The following SCUBE1 variants were observed in gnomAD, a reference collection of about 807,000 sequenced individuals.
The protein encoded by SCUBE1 is signal peptide, CUB domain and EGF like domain containing 1.
A neutral mutation model predicts 124.4 loss-of-function variants in SCUBE1; 59 were observed. The observed-to-expected ratio is 0.47, with a 90% confidence interval of 0.38 to 0.59. The LOEUF (loss-of-function observed/expected upper bound fraction) is 0.59. Among genes scored for constraint, SCUBE1 ranks in the 20% least tolerant of loss-of-function variants. The probability of loss-of-function intolerance (pLI) is 0.00; values close to 1 mark genes in which losing one functional copy is unlikely to be tolerated. For synonymous variants in SCUBE1, 545 were observed against 550.9 expected (o/e 0.99, Z 0.15); for missense variants, 1,150 against 1,371.2 (o/e 0.84, Z 2.55).
At chr22:43,285,065 G>A (rs1229307512) in intron 4 of SCUBE1, among the ~76,000 whole-genome samples, 1 of 152,192 alleles carries the variant, frequency 6.6e-6, no homozygotes, top group African/African-American at 2.4e-5. Flanking sequence ...AGAACCTCAG[G>A]CTGCCCCACG....
intron 13 of SCUBE1, 42 bp from the exon 14 acceptor site, chr22:43,220,629 C>T: frequency 6.2e-7 from 1 of 1,604,628 alleles, no homozygotes; most frequent in Admixed American, 1.7e-5. Flanking sequence ...CGGCATGGGG[C>T]AGGGAGCAAG....
chr22:43,327,034 T>C (rs1261000794), intron 2 of SCUBE1, among the ~76,000 whole-genome samples: 2 of 152,200 alleles, frequency 1.3e-5, no homozygotes, highest in Non-Finnish European at 2.9e-5. Flanking sequence ...CTGTGCAGCT[T>C]GAGCCTCAGA....
chr22:43,248,471 C>T (rs1301604671), intron 6 of SCUBE1, among the ~76,000 whole-genome samples: 3 of 152,258 alleles, frequency 2.0e-5, no homozygotes, highest in African/African-American at 7.2e-5. Flanking sequence ...CTTCCCCCTA[C>T]AAGCCCCAGC....
At position 43,280,847 on chromosome 22, in the gene SCUBE1, C is replaced by T. The variant is rs866554725; in HGVS notation, c.484+10199G>A. Among the ~76,000 whole-genome samples, 581 of 66,034 alleles carry T rather than the reference C, an allele frequency of 8.8e-3. 13 individuals are homozygous for T. The highest frequency in any genetic ancestry group is 0.028 in the African/African-American group (369 of 13,144). 43.3% of individuals were successfully genotyped at this position (66,034 alleles called of 152,430 possible). Reference sequence around the variant, plus strand: ...TCCTGTCACCTCCCTCTTTGGCCACCCTCCTGTCACCTCCTCCTCAGTCAC... The same window carrying T: ...TCCTGTCACCTCCCTCTTTGGCCACTCTCCTGTCACCTCCTCCTCAGTCAC... On this transcript the variant is annotated intron_variant, in intron 4 of 21. Coordinates refer to ENST00000360835, the MANE Select transcript of SCUBE1 (RefSeq NM_173050.5).
At chr22:43,309,334 T>G (rs1462809873) in intron 3 of SCUBE1, among the ~76,000 whole-genome samples, 1 of 151,972 alleles carries the variant, frequency 6.6e-6, no homozygotes, top group Non-Finnish European at 1.5e-5. Context: ...CATGCAGGAG[T>G]ACACAGAGGC....
At position 43,210,863 on chromosome 22, in the gene SCUBE1, A is replaced by C; in HGVS notation, c.2383+59T>G. On this transcript the variant is annotated intron_variant, in intron 18 of 21. Transcript: ENST00000360835. This position sits in a 1 kb window ranked among gnomAD's most constrained non-coding sequence, Gnocchi z 4.5. ...TGAGATCAGGTCTCCTCCCGCCCCCACAACCTGCCCAGCCCCTCCCGTGTT... is the reference window on the plus strand; with the variant it reads ...TGAGATCAGGTCTCCTCCCGCCCCCCCAACCTGCCCAGCCCCTCCCGTGTT... The C allele has an allele frequency of 7.7e-6, 12 of 1,566,634 alleles. No individual in the cohort carries two copies. The highest frequency in any genetic ancestry group is 9.6e-6 in the Non-Finnish European group (11 of 1,142,740).
intron 4 of SCUBE1, chr22:43,282,153 G>A (rs1419684787): frequency 1.3e-5 from 2 of 152,654 alleles, no homozygotes; most frequent in Non-Finnish European, 2.9e-5. Context: ...TAGGTTGCAA[G>A]TGAATCAAAA....
chr22:43,226,454 G>A (rs995166435), intron 10 of SCUBE1, among the ~76,000 whole-genome samples: 19 of 152,018 alleles, frequency 1.2e-4, no homozygotes, highest in African/African-American at 4.6e-4. Flanking sequence ...CAAGAGAAGC[G>A]CACAGCCTCG....
intron 4 of SCUBE1, among the ~76,000 whole-genome samples, chr22:43,280,215 T>G (rs950889876): frequency 1.3e-5 from 2 of 152,016 alleles, no homozygotes; most frequent in Non-Finnish European, 2.9e-5. Flanking sequence ...CTCCCAGACC[T>G]CCAGCGTTCT....
rs1260147494 is a variant in SCUBE1, at chr22:43,339,120, T to C, written c.204A>G (p.Glu68=). ...KCLCKPGYKG[E]GKQCEDIDEC... is the part of the protein sequence containing the mutation. ...TGGACTCACCTTCACACTGCTTGCC[T>C]TCCCCCTTGTAGCCTGGCTTGCAGA... The change falls in exon 2 of 22, where the codon GAA becomes GAG. Residue 68 remains glutamate, a synonymous_variant. Transcript: ENST00000360835. 6.8e-6 allele frequency: 11 copies of C among 1,613,710 alleles called. No homozygotes were observed. The highest frequency in any genetic ancestry group is 9.3e-6 in the Non-Finnish European group (11 of 1,179,688).
At chr22:43,296,985 G>A (rs1288258576) in intron 3 of SCUBE1, among the ~76,000 whole-genome samples, 1 of 152,244 alleles carries the variant, frequency 6.6e-6, no homozygotes, top group Non-Finnish European at 1.5e-5. Context: ...GCTGGGGGAG[G>A]TCAGAGGTGG....
intron 9 of SCUBE1, among the ~76,000 whole-genome samples, chr22:43,228,544 C>T (rs1346962227): frequency 2.6e-5 from 4 of 152,202 alleles, no homozygotes; most frequent in African/African-American, 4.8e-5. Flanking sequence ...GGTGGGATGG[C>T]GCCCCCTATC....
In SCUBE1 at chr22:43,255,587, A is replaced by G; in HGVS notation, c.727+2632T>C. ...GCAGCCTCATCCTTCTCTAAAACAC[A>G]AGTAAGGGACAAACACGGAGCCAGT... On this transcript the variant is annotated intron_variant, in intron 6 of 21. Coordinates refer to ENST00000360835, the MANE Select transcript of SCUBE1 (RefSeq NM_173050.5). The surrounding 1 kb of genome is among the most constrained non-coding windows in gnomAD (Gnocchi z 4.7). 6.5e-7 allele frequency: 1 copy of G among 1,548,982 alleles called. No individual in the cohort carries two copies. The highest frequency in any genetic ancestry group is 8.7e-7 in the Non-Finnish European group (1 of 1,145,718).
chr22:43,263,864 G>A (rs1215429594), intron 4 of SCUBE1, among the ~76,000 whole-genome samples: 1 of 152,158 alleles, frequency 6.6e-6, no homozygotes, highest in African/African-American at 2.4e-5. Context: ...GTCTAACTAA[G>A]CAACGAGTTA....
chr22:43,247,783 G>C (rs992891664), intron 6 of SCUBE1, among the ~76,000 whole-genome samples: 1 of 152,228 alleles, frequency 6.6e-6, no homozygotes, highest in Admixed American at 6.5e-5. Context: ...GGGCCCGGTC[G>C]GGCCTGTTTT....
chr22:43,275,238 C>T (rs1331379968), intron 4 of SCUBE1, among the ~76,000 whole-genome samples: 2 of 152,234 alleles, frequency 1.3e-5, no homozygotes, highest in East Asian at 1.9e-4. Flanking sequence ...GGCAGACCTG[C>T]AAGCTGACCA....
chr22:43,205,579 C>A (rs996272754), intron 21 of SCUBE1, among the ~76,000 whole-genome samples: 2 of 151,438 alleles, frequency 1.3e-5, no homozygotes, highest in Non-Finnish European at 3.0e-5. Flanking sequence ...ACCCACCACA[C>A]CCCACACCAC....
At chr22:43,231,603 A>G in intron 8 of SCUBE1, 150 bp downstream of exon 8, 1 of 879,176 alleles carries the variant, frequency 1.1e-6, no homozygotes, top group Admixed American at 2.7e-5. Flanking sequence ...ATTGGACTGG[A>G]TGTCCCCTAG....
chr22:43,343,080 G>T, intron 1 of SCUBE1, 94 bp downstream of exon 1: 1 of 551,254 alleles, frequency 1.8e-6, no homozygotes, highest in Non-Finnish European at 2.4e-6. Context: ...CGCGGGGCGA[G>T]CTCGGGATCC....
Sources: allele counts gnomAD v4.1 joint callset (sites outside exome capture counted in the v4.1 genomes callset), GRCh38; gene constraint gnomAD v4.1.1; non-coding constraint Gnocchi (gnomAD v3.1); transcripts MANE v1.5; gene names NCBI Gene and HGNC (gene_info 2026-07-23, HGNC 2026-07-21).